The following MED12L variants were observed in gnomAD, a reference collection of about 807,000 sequenced individuals.
MED12L encodes mediator of RNA polymerase II transcription subunit 12-like protein.
A neutral mutation model predicts 281.3 loss-of-function variants in MED12L; 60 were observed. The ratio of observed to expected loss-of-function variants is 0.21; its 90% CI spans 0.17 to 0.26. The LOEUF (loss-of-function observed/expected upper bound fraction) is 0.26, where lower values mean the gene tolerates loss of function less well. MED12L is among the 10% of genes least tolerant of loss of function. MED12L has a pLI of 1.00. For missense variants in MED12L, 2,146 were observed against 2,680.9 expected (o/e 0.80, Z 4.41); for synonymous variants, 974 against 987.2 (o/e 0.99, Z 0.25).
chr3:151,328,392 TAA>T (rs774772276), intron 16 of MED12L: 1 of 1,613,662 alleles, frequency 6.2e-7, no homozygotes, highest in East Asian at 2.2e-5. Flanking sequence ...AGCATTAGGA[TAA>T]AAACAGTCCA....
chr3:151,098,631 C>T (rs1434885854), intron 2 of MED12L, among the ~76,000 whole-genome samples: 2 of 152,116 alleles, frequency 1.3e-5, no homozygotes, highest in Admixed American at 6.5e-5. Flanking sequence ...CTTATAAGGA[C>T]ACTTGTCATT....
intron 16 of MED12L, among the ~76,000 whole-genome samples, chr3:151,288,579 A>G (rs1288328692): frequency 2.6e-5 from 4 of 152,240 alleles, no homozygotes; most frequent in African/African-American, 7.2e-5. Flanking sequence ...GAATGAATGA[A>G]TGACATTATT....
chr3:151,272,728 G>A (rs545026102), intron 16 of MED12L, among the ~76,000 whole-genome samples: 13 of 152,248 alleles, frequency 8.5e-5, no homozygotes, highest in African/African-American at 2.6e-4. Flanking sequence ...ATGGCTTGAA[G>A]TGTGGAGTTG....
intron 3 of MED12L, 59 bp from the exon 4 acceptor site, chr3:151,122,724 C>T: frequency 1.8e-6 from 2 of 1,139,466 alleles, no homozygotes; most frequent in Non-Finnish European, 2.4e-6. Context: ...TACTAATGTA[C>T]AGTACTAAGC....
At chr3:151,310,969 C>T (rs1747416552) in intron 16 of MED12L, among the ~76,000 whole-genome samples, 1 of 152,052 alleles carries the variant, frequency 6.6e-6, no homozygotes, top group Non-Finnish European at 1.5e-5. Context: ...GCTTTGCCAC[C>T]CTGGCTGTGA....
chr3:151,255,222 C>T (rs922922734), intron 16 of MED12L, among the ~76,000 whole-genome samples: 1 of 152,036 alleles, frequency 6.6e-6, no homozygotes, highest in African/African-American at 2.4e-5. Context: ...AGCCATATAA[C>T]AGGGGATGTG....
intron 16 of MED12L, chr3:151,213,870 C>A (rs764541230): frequency 6.2e-7 from 1 of 1,613,550 alleles, no homozygotes; most frequent in Non-Finnish European, 8.5e-7. Flanking sequence ...CAAGGAGGAG[C>A]ATGAGCATCC....
chr3:151,214,311 G>A (rs372691764), intron 16 of MED12L: 1 of 1,611,976 alleles, frequency 6.2e-7, no homozygotes, highest in African/African-American at 1.3e-5. Flanking sequence ...AGGTTGAATT[G>A]ATCATCTTGT....
At chr3:151,213,602 C>T (rs114951189) in intron 16 of MED12L, 113 of 1,614,090 alleles carry the variant, frequency 7.0e-5, no homozygotes, top group Admixed American at 3.8e-4. Context: ...AACACAAACA[C>T]GATGCTGAAT....
chr3:151,294,819 C>T, intron 16 of MED12L: 1 of 1,614,098 alleles, frequency 6.2e-7, no homozygotes, highest in Non-Finnish European at 8.5e-7. Flanking sequence ...GGCTTGACCA[C>T]CTTCAGATAG....
intron 43 of MED12L, among the ~76,000 whole-genome samples, chr3:151,417,016 T>A (rs1203117582): frequency 1.3e-5 from 2 of 152,242 alleles, no homozygotes; most frequent in African/African-American, 2.4e-5. Context: ...TACTTTTTTT[T>A]AAACTGTCAT....
At chr3:151,288,888 C>T (rs1743897821) in intron 16 of MED12L, among the ~76,000 whole-genome samples, 1 of 152,152 alleles carries the variant, frequency 6.6e-6, no homozygotes, top group Non-Finnish European at 1.5e-5. Context: ...ACAGGAGTGG[C>T]CAGTCATCTC....
At chr3:151,263,641 A>C (rs2149511246) in intron 16 of MED12L, among the ~76,000 whole-genome samples, 1 of 152,326 alleles carries the variant, frequency 6.6e-6, no homozygotes, top group East Asian at 1.9e-4. Flanking sequence ...ATTTGAAAGA[A>C]ACAATCCAAG....
At chr3:151,155,046 G>A (rs1424814886) in intron 5 of MED12L, among the ~76,000 whole-genome samples, 1 of 152,146 alleles carries the variant, frequency 6.6e-6, no homozygotes, top group African/African-American at 2.4e-5. Context: ...TTATCTCTGG[G>A]TTCTGTTAAA....
At position 151,178,181 on chromosome 3, in the gene MED12L, A is replaced by AAAAAAAAG. The variant is rs1560124057; in HGVS notation, c.1495-7146_1495-7145insAAAAGAAA. 3.3e-3 allele frequency among the ~76,000 whole-genome samples: 498 copies of AAAAAAAAG among 149,318 alleles called. 10 individuals carry two copies. The highest frequency in any genetic ancestry group is 0.01 in the African/African-American group (412 of 39,662). On this transcript the variant is annotated intron_variant, in intron 11 of 44. Transcript: ENST00000687756. ...TCAAAAAAAAAAAAAAAAAAAAAAA[A>AAAAAAAAG]AAAGAAAGTGCCAATATGAAAAGCT...
Position 151,388,069 on chromosome 3 carries a change from A to C in MED12L, c.5348A>C (p.Glu1783Ala), listed in dbSNP as rs1239928553. 6.2e-7 allele frequency: 1 copy of C among 1,614,070 alleles called. No homozygotes were observed. Among genetic ancestry groups the C allele is most frequent in the African/African-American group, 1.3e-5 (1 of 75,036 alleles). Residue 1783 changes from glutamate to alanine, a missense_variant, in exon 37 of 45, where the codon GAA becomes GCA. By Grantham distance (107) the Glu-to-Ala change is moderately radical (BLOSUM62 -1). This residue lies in a region of MED12L where 496 missense variants were observed against 512.0 expected (regional missense o/e 0.97). Coordinates refer to ENST00000687756, the MANE Select transcript of MED12L (RefSeq NM_001393769.1). ...ACATCTCCAGTTTCTCAGGAACCAG[A>C]AAGGAAGTCCGCTGAGCTGTCAGAT... ...EPTSPVSQEP[E>A]RKSAELSDQG...
intron 16 of MED12L, among the ~76,000 whole-genome samples, chr3:151,298,992 G>C (rs896427580): frequency 6.6e-6 from 1 of 152,124 alleles, no homozygotes; most frequent in Non-Finnish European, 1.5e-5. Flanking sequence ...GGAATACATA[G>C]CTGTCTTGCT....
At chr3:151,184,786 G>C (rs894410955) in intron 11 of MED12L, among the ~76,000 whole-genome samples, 1 of 152,118 alleles carries the variant, frequency 6.6e-6, no homozygotes, top group Non-Finnish European at 1.5e-5. Context: ...GTCATTTTTC[G>C]TGTTTGTTAT....
Position 151,329,572 on chromosome 3 carries a change from T to G in MED12L, c.2251-20487T>G, listed in dbSNP as rs1261666153. The G allele has an allele frequency of 2.1e-6, 3 of 1,397,932 alleles. No homozygotes were observed. In the African/African-American group the frequency reaches 4.3e-5, roughly 20 times the overall value. The allele number at this position is 1,397,932 out of a possible 1,614,324, so 86.6% of individuals were successfully genotyped here. A position where few individuals can be genotyped will look rare whatever the true frequency, so the allele number is the denominator to read the frequency against. ...AGCATGTGAAGCAAATGTTCTGCTT[T>G]CTTATAGTGGATTTCCTTCCTTATT... On this transcript the variant is annotated intron_variant, in intron 16 of 44. Transcript: ENST00000687756.
Sources: allele counts gnomAD v4.1 joint callset (sites outside exome capture counted in the v4.1 genomes callset), GRCh38; gene constraint gnomAD v4.1.1; regional missense constraint gnomAD v4.1.1; transcripts MANE v1.5; gene names NCBI Gene and HGNC (gene_info 2026-07-23, HGNC 2026-07-21).